Variants in MKNK2 observed in about 807,000 individuals in gnomAD.
MKNK2 encodes MAPK interacting serine/threonine kinase 2.
Under a neutral mutation model 55.0 loss-of-function variants are expected in MKNK2, and 54 were observed. The observed-to-expected ratio is 0.98, with a 90% CI of 0.79 to 1.23. MKNK2 has a LOEUF of 1.23. Among genes scored for constraint, MKNK2 ranks in the 50% most tolerant of loss-of-function variants. The pLI, the probability that MKNK2 is intolerant of heterozygous loss-of-function variation, is 0.00. For missense variants in MKNK2, 685 were observed against 632.1 expected, an observed-to-expected ratio of 1.08 and a Z score of -0.90; for synonymous variants, 323 against 256.0, an observed-to-expected ratio of 1.26 and a Z score of -2.50.
At chr19:2,042,258 G>A (rs899344308) in intron 10 of MKNK2, 169 bp downstream of exon 10, 2 of 747,366 alleles carry the variant, frequency 2.7e-6, no homozygotes, top group Non-Finnish European at 4.2e-6. Context: ...GACGCGTTGG[G>A]GCGCCTGCTC....
At chr19:2,046,090 T>C (rs2016989151) in intron 5 of MKNK2, 96 bp downstream of exon 5, 3 of 1,268,448 alleles carry the variant, frequency 2.4e-6, no homozygotes, top group Non-Finnish European at 3.4e-6. Flanking sequence ...TCTTCCCGGC[T>C]GTAGGACGGA....
At position 2,039,599 on chromosome 19, in the gene MKNK2, G is replaced by A. The variant is rs372960808; in HGVS notation, c.*14C>T. On this transcript the variant is annotated 3_prime_UTR_variant, in exon 14 of 14. Coordinates refer to ENST00000250896, the MANE Select transcript of MKNK2 (RefSeq NM_199054.3). ...GGGGACGGGTGACCTATGTACAGAG[G>A]GGAGATGGGAGGGTCAGGCGTGGTC... is the stretch of plus-strand genomic sequence containing the variant. 18 of 1,606,052 alleles carry A rather than the reference G, an allele frequency of 1.1e-5. No homozygotes were observed. Among genetic ancestry groups the A allele is most frequent in the Admixed American group, 1.7e-5 (1 of 59,826 alleles).
intron 1 of MKNK2, 37 bp downstream of exon 1, chr19:2,051,059 T>C: frequency 3.0e-6 from 1 of 335,852 alleles, no homozygotes; most frequent in Non-Finnish European, 5.3e-6. Flanking sequence ...CGCTACCGGG[T>C]CGGTGTCCTC....
intron 12 of MKNK2, chr19:2,040,452 A>G: frequency 2.2e-6 from 1 of 460,806 alleles, no homozygotes; most frequent in East Asian, 3.4e-5. Context: ...CCCAAGCCCC[A>G]TCTCTCCCGG....
At position 2,040,121 on chromosome 19, in the gene MKNK2, C is replaced by G. The variant is rs369679152; in HGVS notation, c.1154+13G>C. ...CTGGACTCAGGGGTCCCGAGCACCCCTGCGGGCCTTACCTCTGCAGGACCA... is the reference window on the plus strand; with the variant it reads ...CTGGACTCAGGGGTCCCGAGCACCCGTGCGGGCCTTACCTCTGCAGGACCA... On this transcript the variant is annotated intron_variant, in intron 13 of 13. Transcript: ENST00000250896. The G allele has an allele frequency of 2.5e-6, 4 of 1,587,344 alleles. No individual in the cohort carries two copies. In the South Asian group the frequency reaches 4.6e-5, roughly 18 times the overall value.
Position 2,041,335 on chromosome 19 carries a change from G to A in MKNK2, c.946-131C>T, listed in dbSNP as rs1278784658. 1.3e-5 allele frequency: 12 copies of A among 910,672 alleles called. No individual in the cohort carries two copies. In the Admixed American group the frequency reaches 2.5e-4, roughly 19 times the overall value. 56.4% of individuals were successfully genotyped at this position (910,672 alleles called of 1,614,324 possible). A position where few individuals can be genotyped will look rare whatever the true frequency, so the allele number is the denominator to read the frequency against. On this transcript the variant is annotated intron_variant, in intron 11 of 13. Coordinates refer to ENST00000250896, the MANE Select transcript of MKNK2 (RefSeq NM_199054.3). ...TAGACCACGCACGCCTGGGGCAGAG[G>A]GGGCTGGGAGCCGGACCAGGAGAGT...
chr19:2,043,394 G>A, intron 6 of MKNK2, 109 bp downstream of exon 6: 1 of 1,155,466 alleles, frequency 8.7e-7, no homozygotes, highest in Non-Finnish European at 1.3e-6. Flanking sequence ...TGCAGGGCCT[G>A]GGAAACTGGG....
chr19:2,048,524 G>C (rs1229982411), intron 2 of MKNK2, among the ~76,000 whole-genome samples: 2 of 152,036 alleles, frequency 1.3e-5, no homozygotes, highest in African/African-American at 2.4e-5. Context: ...GAGGTGGCGG[G>C]GGTCCCAGTC....
chr19:2,041,337 G>A (rs544568596), intron 11 of MKNK2, 133 bp from the exon 12 acceptor site: 15 of 897,598 alleles, frequency 1.7e-5, no homozygotes, highest in East Asian at 1.6e-4. Context: ...GGGCAGAGGG[G>A]GCTGGGAGCC....
intron 5 of MKNK2, among the ~76,000 whole-genome samples, 195 bp from the exon 6 acceptor site, chr19:2,043,777 C>A (rs1230010465): frequency 6.6e-6 from 1 of 152,052 alleles, no homozygotes; most frequent in Non-Finnish European, 1.5e-5. Context: ...AGATTGAGAC[C>A]ATCCTGGCCA....
At chr19:2,042,359 A>T in intron 10 of MKNK2, 68 bp downstream of exon 10, 5 of 1,384,004 alleles carry the variant, frequency 3.6e-6, no homozygotes, top group East Asian at 5.0e-5. Context: ...TGGATGGCCC[A>T]GGCTCCGCGA....
At position 2,050,812 on chromosome 19, in the gene MKNK2, G is replaced by A. The variant is rs1359701563; in HGVS notation, c.40C>T (p.Arg14Cys). 3.3e-6 allele frequency: 5 copies of A among 1,537,742 alleles called. No individual in the cohort carries two copies. The highest frequency in any genetic ancestry group is 1.7e-4 in the Middle Eastern group (1 of 5,968). The change falls in exon 2 of 14, where the codon CGT (arginine) becomes TGT (cysteine). Residue 14 changes from arginine (R) to cysteine (C), a missense_variant. Transcript: ENST00000250896. ...KKPAELQGFH[R>C]SFKGQNPFEL... The stretch of plus-strand genomic sequence containing the variant: ...ACCCCGGGCCTCACCTTGAACGAAC[G>A]GTGGAAACCCTGAAGTTCGGCTGGT...
At chr19:2,047,067 T>A (rs1192259313) in intron 2 of MKNK2, among the ~76,000 whole-genome samples, 1 of 152,218 alleles carries the variant, frequency 6.6e-6, no homozygotes, top group Non-Finnish European at 1.5e-5. Context: ...CCCAAAGTGC[T>A]GGGATCACAG....
intron 12 of MKNK2, chr19:2,040,552 C>T (rs764357065): frequency 8.9e-5 from 27 of 304,940 alleles, no homozygotes; most frequent in Admixed American, 4.1e-4. Context: ...CCCAGCCCCT[C>T]GCCTGGGGAC....
At position 2,039,443 on chromosome 19, in the gene MKNK2, A is replaced by G; in HGVS notation, c.*170T>C. 2 of 1,405,252 alleles carry G rather than the reference A, an allele frequency of 1.4e-6. No homozygotes were observed. The highest frequency in any genetic ancestry group is 3.3e-5 in the South Asian group (2 of 60,280). The allele number at this position is 1,405,252 out of a possible 1,614,324, so 87.0% of individuals were successfully genotyped here. On this transcript the variant is annotated 3_prime_UTR_variant, in exon 14 of 14. Transcript: ENST00000250896. Reference sequence around the variant, plus strand: ...GGGAGGGGTGGAAACAGGAAAAAAAAAACCCAAAAGCAAAAACCTTCTATA... The same window carrying G: ...GGGAGGGGTGGAAACAGGAAAAAAAGAACCCAAAAGCAAAAACCTTCTATA...
Position 2,037,523 on chromosome 19 carries a change from G to T in MKNK2, c.*2090C>A. 2.6e-6 allele frequency: 1 copy of T among 388,348 alleles called. No homozygotes were observed. The highest frequency in any genetic ancestry group is 2.1e-5 in the African/African-American group (1 of 48,208). The allele number at this position is 388,348 out of a possible 1,614,324, so 24.1% of individuals were successfully genotyped here. ...TTACAAAACAGAATACAAAATTCCG[G>T]CATTGACAGTTGGTGTAAAGGAAAA... On this transcript the variant is annotated 3_prime_UTR_variant, in exon 14 of 14. Transcript: ENST00000250896.
chr19:2,040,103 CAG>C lies in MKNK2; in HGVS notation c.1154+29_1154+30del, dbSNP rs763337350. The C allele has an allele frequency of 8.2e-6, 13 of 1,576,860 alleles. No homozygotes were observed. The South Asian group carries it at 1.5e-4, about 18-fold the overall frequency. On this transcript the variant is annotated intron_variant, in intron 13 of 13. Transcript: ENST00000250896. ...ACCTGGAAACCCCGCCCCCTGGACTCAGGGGTCCCGAGCACCCCTGCGGGCCT... is the reference window on the plus strand; with the variant it reads ...ACCTGGAAACCCCGCCCCCTGGACTCGGGTCCCGAGCACCCCTGCGGGCCT...
In MKNK2 at chr19:2,037,484, CTT is replaced by C. The variant is rs2016771950; in HGVS notation, c.*2127_*2128del. ...CTCAGGCACACAGCAAGTTTTTTGA[CTT>C]TTATTAAATCTTTACAAAACAGAAT... On this transcript the variant is annotated 3_prime_UTR_variant, in exon 14 of 14. Transcript: ENST00000250896. 2 of 306,786 alleles carry C rather than the reference CTT, an allele frequency of 6.5e-6. No homozygotes were observed. The highest frequency in any genetic ancestry group is 1.1e-4 in the East Asian group (2 of 18,978). The allele number at this position is 306,786 out of a possible 1,614,324, so 19.0% of individuals were successfully genotyped here. A position where few individuals can be genotyped will look rare whatever the true frequency, so the allele number is the denominator to read the frequency against.
At chr19:2,045,257 G>A (rs763722137) in intron 5 of MKNK2, among the ~76,000 whole-genome samples, 5 of 152,280 alleles carry the variant, frequency 3.3e-5, no homozygotes, top group Admixed American at 2.6e-4. Context: ...CATGAGTCAG[G>A]CTACCTAACC....
Sources: gnomAD v4.1 joint callset for allele counts (sites outside exome capture counted in the v4.1 genomes callset) on GRCh38, gnomAD v4.1.1 for gene constraint, MANE v1.5 for transcripts, NCBI Gene and HGNC (gene_info 2026-07-23, HGNC 2026-07-21) for gene names.